The following CDH18 variants were observed in gnomAD, a reference collection of about 807,000 sequenced individuals.
The protein encoded by CDH18 is cadherin 18, also known as cadherin-18.
CDH18 carries 31 observed loss-of-function variants against 67.9 expected under a neutral mutation model. The ratio of observed to expected loss-of-function variants is 0.46; its 90% CI spans 0.34 to 0.62. The LOEUF is 0.62. Ranked by LOEUF, CDH18 falls within the 20% of genes least tolerant of loss-of-function variation. CDH18 has a pLI of 0.01. For missense variants in CDH18, 890 were observed against 975.5 expected (o/e 0.91, Z 1.17); for synonymous variants, 362 against 347.2 (o/e 1.04, Z -0.48).
At chr5:20,414,153 A>C (rs928750264) in intron 1 of CDH18, among the ~76,000 whole-genome samples, 10 of 152,208 alleles carry the variant, frequency 6.6e-5, no homozygotes, top group Admixed American at 6.5e-5. Flanking sequence ...AATGAACTGA[A>C]AACAGAATTA....
chr5:20,391,387 T>C (rs1229468598), intron 1 of CDH18, among the ~76,000 whole-genome samples: 1 of 151,990 alleles, frequency 6.6e-6, no homozygotes, highest in Non-Finnish European at 1.5e-5. Flanking sequence ...ATAGTTGCTA[T>C]ATGATAGAAT....
chr5:20,364,170 T>G (rs1580836916), intron 1 of CDH18, among the ~76,000 whole-genome samples: 1 of 152,184 alleles, frequency 6.6e-6, no homozygotes, highest in South Asian at 2.1e-4. Flanking sequence ...AGTAAATAAT[T>G]TTTGGTTTAT....
chr5:20,573,487 T>A (rs1758922045), intron 1 of CDH18, among the ~76,000 whole-genome samples: 1 of 151,676 alleles, frequency 6.6e-6, no homozygotes, highest in African/African-American at 2.4e-5. Flanking sequence ...TATATTAAAC[T>A]TAAAAATGAG....
chr5:19,711,644 A>G (rs1317295279), intron 5 of CDH18, among the ~76,000 whole-genome samples: 1 of 126,824 alleles, frequency 7.9e-6, no homozygotes, highest in Non-Finnish European at 1.8e-5. Context: ...GACTGTTAGT[A>G]TAAAGTAAAA....
chr5:20,391,504 T>C (rs1717004257), intron 1 of CDH18, among the ~76,000 whole-genome samples: 1 of 152,094 alleles, frequency 6.6e-6, no homozygotes, highest in African/African-American at 2.4e-5. Flanking sequence ...TATAATCAAT[T>C]ATAATTATTA....
At chr5:19,970,794 T>C (rs1797947570) in intron 2 of CDH18, among the ~76,000 whole-genome samples, 1 of 150,676 alleles carries the variant, frequency 6.6e-6, no homozygotes, top group African/African-American at 2.4e-5. Context: ...CTACATATAT[T>C]AAATATATAT....
chr5:19,615,914 A>T (rs1580511121), intron 5 of CDH18, among the ~76,000 whole-genome samples: 2 of 152,106 alleles, frequency 1.3e-5, no homozygotes, highest in East Asian at 3.9e-4. Flanking sequence ...ATGGACCACA[A>T]TTTATTTATT....
At chr5:19,805,858 C>T (rs1777983753) in intron 3 of CDH18, among the ~76,000 whole-genome samples, 1 of 152,208 alleles carries the variant, frequency 6.6e-6, no homozygotes, top group Admixed American at 6.5e-5. Context: ...CTCTCTGATG[C>T]CAAGCTTGTT....
chr5:19,510,262 T>C (rs1744910907), intron 10 of CDH18, among the ~76,000 whole-genome samples: 1 of 152,116 alleles, frequency 6.6e-6, no homozygotes, highest in Admixed American at 6.6e-5. Flanking sequence ...TCAAACACTA[T>C]GAAACTAAAG....
chr5:19,883,441 AAC>A (rs2150062582), intron 2 of CDH18, among the ~76,000 whole-genome samples: 1 of 63,900 alleles, frequency 1.6e-5, no homozygotes, highest in East Asian at 3.5e-4. Flanking sequence ...TTACTACATC[AAC>A]ATTTTTTTTT....
At chr5:20,071,691 C>T (rs1218200777) in intron 2 of CDH18, among the ~76,000 whole-genome samples, 2 of 151,818 alleles carry the variant, frequency 1.3e-5, no homozygotes, top group Non-Finnish European at 2.9e-5. Flanking sequence ...ATAAAATATC[C>T]TACTTTATTC....
chr5:20,051,104 A>G (rs1448220310), intron 2 of CDH18, among the ~76,000 whole-genome samples: 3 of 151,948 alleles, frequency 2.0e-5, no homozygotes, highest in East Asian at 3.8e-4. Context: ...AATCGTGGCT[A>G]GTGTGTTTAT....
At chr5:20,527,635 C>G (rs1413959719) in intron 1 of CDH18, among the ~76,000 whole-genome samples, 1 of 151,980 alleles carries the variant, frequency 6.6e-6, no homozygotes, top group East Asian at 1.9e-4. Context: ...AATTTCCAAC[C>G]AAGAATTTCA....
chr5:19,561,095 T>C (rs188796335), intron 8 of CDH18, among the ~76,000 whole-genome samples: 201 of 152,278 alleles, frequency 1.3e-3, no homozygotes, highest in African/African-American at 4.7e-3. Flanking sequence ...CGGAAAACAG[T>C]GTGGAGATTC....
At chr5:19,998,874 G>C (rs892181625) in intron 2 of CDH18, among the ~76,000 whole-genome samples, 5 of 151,996 alleles carry the variant, frequency 3.3e-5, no homozygotes, top group Non-Finnish European at 4.4e-5. Flanking sequence ...CACTGGAATT[G>C]GCAGTCAAGA....
At chr5:19,583,659 TTAGA>T (rs1743639138) in intron 7 of CDH18, among the ~76,000 whole-genome samples, 1 of 152,078 alleles carries the variant, frequency 6.6e-6, no homozygotes, top group African/African-American at 2.4e-5. Flanking sequence ...TGAGGTAGTA[TTAGA>T]TAGTAGTTAT....
At chr5:20,017,574 A>C (rs2150425954) in intron 2 of CDH18, among the ~76,000 whole-genome samples, 1 of 152,328 alleles carries the variant, frequency 6.6e-6, no homozygotes, top group East Asian at 1.9e-4. Context: ...AATTTCCCAT[A>C]GTATATACCT....
At chr5:20,536,883 C>G (rs1166034031) in intron 1 of CDH18, among the ~76,000 whole-genome samples, 2 of 152,102 alleles carry the variant, frequency 1.3e-5, no homozygotes, top group Admixed American at 6.6e-5. Flanking sequence ...TCTTGTCCCA[C>G]CACATAAAAA....
At chr5:19,816,156 T>C (rs2091658484) in intron 3 of CDH18, among the ~76,000 whole-genome samples, 1 of 151,898 alleles carries the variant, frequency 6.6e-6, no homozygotes, top group Non-Finnish European at 1.5e-5. Flanking sequence ...TGGTAATAGA[T>C]TAGAATATTT....
Sources: allele counts gnomAD v4.1 joint callset (sites outside exome capture counted in the v4.1 genomes callset), GRCh38; gene constraint gnomAD v4.1.1; transcripts MANE v1.5; gene names NCBI Gene and HGNC (gene_info 2026-07-23, HGNC 2026-07-21).